Variants in VKORC1L1 observed in about 807,000 individuals in gnomAD.
VKORC1L1 encodes vitamin K epoxide reductase complex subunit 1L1, also known as vitamin K epoxide reductase complex subunit 1-like protein 1.
Under a neutral mutation model 18.9 loss-of-function variants are expected in VKORC1L1, and 2 were observed. That is an observed-to-expected ratio of 0.11 (90% CI 0.04 to 0.33). The LOEUF is 0.33. VKORC1L1 is among the 10% of genes least tolerant of loss of function. VKORC1L1 has a pLI of 1.00. For synonymous variants in VKORC1L1, 96 were observed against 100.0 expected, an observed-to-expected ratio of 0.96 and a Z score of 0.24; for missense variants, 123 against 224.1, an observed-to-expected ratio of 0.55 and a Z score of 2.88.
chr7:65,935,728 G>A (rs1400990861), intron 1 of VKORC1L1, among the ~76,000 whole-genome samples: 1 of 152,070 alleles, frequency 6.6e-6, no homozygotes, highest in Non-Finnish European at 1.5e-5. Flanking sequence ...TAGTAGTTTG[G>A]TTATGATGTG....
chr7:65,943,820 A>T (rs1376552026), intron 1 of VKORC1L1, among the ~76,000 whole-genome samples: 1 of 152,178 alleles, frequency 6.6e-6, no homozygotes, highest in Non-Finnish European at 1.5e-5. Flanking sequence ...AAAAATAAAG[A>T]TAATTTTAAG....
At chr7:65,903,004 T>C (rs1239307450) in intron 1 of VKORC1L1, among the ~76,000 whole-genome samples, 1 of 151,956 alleles carries the variant, frequency 6.6e-6, no homozygotes, top group Non-Finnish European at 1.5e-5. Flanking sequence ...GTAGCTGGGA[T>C]TACAGGCATG....
intron 1 of VKORC1L1, among the ~76,000 whole-genome samples, chr7:65,924,870 G>A (rs1583852036): frequency 6.6e-6 from 1 of 152,100 alleles, no homozygotes; most frequent in East Asian, 1.9e-4. Context: ...AGAATATTGT[G>A]TTCTTCCTTA....
chr7:65,925,730 C>T (rs1789750402), intron 1 of VKORC1L1, among the ~76,000 whole-genome samples: 1 of 152,090 alleles, frequency 6.6e-6, no homozygotes, highest in South Asian at 2.1e-4. Flanking sequence ...TGAGTAAGTG[C>T]ATTTTAGATT....
chr7:65,936,843 T>G (rs1179033578), intron 1 of VKORC1L1, among the ~76,000 whole-genome samples: 1 of 152,184 alleles, frequency 6.6e-6, no homozygotes, highest in East Asian at 1.9e-4. Flanking sequence ...CACAGTTCCA[T>G]GTGACTGGCT....
chr7:65,957,133 CTTAAA>C lies in VKORC1L1; in HGVS notation c.*2836_*2840del, dbSNP rs1790308299. 6.6e-6 allele frequency: 1 copy of C among 152,192 alleles called. No individual in the cohort carries two copies. The highest frequency in any genetic ancestry group is 2.4e-5 in the African/African-American group (1 of 41,454). The allele number at this position is 152,192 out of a possible 1,614,324, so 9.4% of individuals were successfully genotyped here. A position where few individuals can be genotyped will look rare whatever the true frequency, so the allele number is the denominator to read the frequency against. On this transcript the variant is annotated 3_prime_UTR_variant, in exon 3 of 3. Transcript: ENST00000360768. ...TGTTCCTTCATACATGTGTCCTCTC[CTTAAA>C]TTCATTACTTTCAAATGATGTTCAA...
chr7:65,875,092 A>C (rs1375457706), intron 1 of VKORC1L1, among the ~76,000 whole-genome samples: 1 of 152,160 alleles, frequency 6.6e-6, no homozygotes, highest in Admixed American at 6.6e-5. Context: ...ATGCTTGCCA[A>C]AGGAGGGTAG....
At chr7:65,869,640 CTTTTTTTTT>C (rs1226951533), upstream of VKORC1L1, among the ~76,000 whole-genome samples, 2 of 77,284 alleles carry the variant, frequency 2.6e-5, no homozygotes, top group Non-Finnish European at 4.8e-5. Flanking sequence ...CGATTTCATT[CTTTTTTTTT>C]TTTTTTTTTT....
intron 1 of VKORC1L1, among the ~76,000 whole-genome samples, chr7:65,938,204 C>A (rs1223444113): frequency 6.6e-6 from 1 of 151,674 alleles, no homozygotes; most frequent in Non-Finnish European, 1.5e-5. Flanking sequence ...TCAAAAAAAA[C>A]CATCTCAGAA....
intron 2 of VKORC1L1, among the ~76,000 whole-genome samples, chr7:65,953,431 C>T (rs540093814): frequency 3.3e-5 from 5 of 152,302 alleles, no homozygotes; most frequent in East Asian, 1.9e-4. Flanking sequence ...CCTCATGTCC[C>T]GTTATTCATT....
intron 1 of VKORC1L1, among the ~76,000 whole-genome samples, chr7:65,910,360 T>C (rs1472062740): frequency 6.6e-6 from 1 of 151,474 alleles, no homozygotes; most frequent in Non-Finnish European, 1.5e-5. Flanking sequence ...CAACTGACAT[T>C]TTTTGTACCG....
rs866700797 is a variant in VKORC1L1 at position 65,947,414 on chromosome 7, G to T, written c.195-1257G>T. Among the ~76,000 whole-genome samples, 116 of 130,800 alleles carry T rather than the reference G, an allele frequency of 8.9e-4. 1 individual carries two copies. Among genetic ancestry groups the T allele is most frequent in the African/African-American group, 2.2e-3 (79 of 35,500 alleles). The allele number at this position is 130,800 out of a possible 152,430, so 85.8% of individuals were successfully genotyped here. ...CTCTACTGACTTAACACCATAACTG[G>T]TTTTTTTTTTTTTTTTTAGTATTTA... On this transcript the variant is annotated intron_variant, in intron 1 of 2. Coordinates refer to ENST00000360768, the MANE Select transcript of VKORC1L1 (RefSeq NM_173517.6).
At chr7:65,867,017 T>C in the VKORC1L1 span, among the ~76,000 whole-genome samples, 2 of 151,744 alleles carry the variant, frequency 1.3e-5, no homozygotes. Context: ...TGAAACCCCA[T>C]CTCTAATAAA....
At chr7:65,904,113 A>G (rs1789365743) in intron 1 of VKORC1L1, among the ~76,000 whole-genome samples, 1 of 152,228 alleles carries the variant, frequency 6.6e-6, no homozygotes, top group African/African-American at 2.4e-5. Flanking sequence ...AAGCAAAAAT[A>G]ATAATGCATT....
intron 1 of VKORC1L1, among the ~76,000 whole-genome samples, chr7:65,884,081 A>G (rs774707785): frequency 5.9e-5 from 9 of 152,198 alleles, no homozygotes; most frequent in Non-Finnish European, 1.2e-4. Context: ...ATTAATTTCT[A>G]TACATTGTGC....
chr7:65,900,042 CGTGTGTGTGTGTGTGTGTGTGTGTGT>C (rs58269522), intron 1 of VKORC1L1, among the ~76,000 whole-genome samples: 24 of 140,976 alleles, frequency 1.7e-4, no homozygotes, highest in Non-Finnish European at 3.2e-4. Context: ...TGTGCACGCA[CGTGTGTGTGTGTGTGTGTGTGTGTGT>C]GTGTGTGTGT....
At chr7:65,949,016 T>C (rs956217475) in intron 2 of VKORC1L1, among the ~76,000 whole-genome samples, 1 of 152,158 alleles carries the variant, frequency 6.6e-6, no homozygotes, top group Non-Finnish European at 1.5e-5. Flanking sequence ...GAAAAACCAG[T>C]CCCATTCCAG....
intron 2 of VKORC1L1, among the ~76,000 whole-genome samples, chr7:65,951,262 T>G (rs975914205): frequency 1.3e-5 from 2 of 152,154 alleles, no homozygotes; most frequent in Non-Finnish European, 2.9e-5. Context: ...TCATAGGTAA[T>G]CCATTCACGT....
At chr7:65,885,612 A>C (rs1179688572) in intron 1 of VKORC1L1, among the ~76,000 whole-genome samples, 2 of 152,034 alleles carry the variant, frequency 1.3e-5, no homozygotes, top group African/African-American at 4.8e-5. Flanking sequence ...TAGGGATCTA[A>C]ATTTTTCCTA....
Sources: allele counts gnomAD v4.1 joint callset (sites outside exome capture counted in the v4.1 genomes callset), GRCh38; gene constraint gnomAD v4.1.1; transcripts MANE v1.5; gene names NCBI Gene and HGNC (gene_info 2026-07-23, HGNC 2026-07-21).